The following CACNA1C variants were observed in gnomAD, a reference collection of about 807,000 sequenced individuals.
CACNA1C encodes the protein voltage-dependent L-type calcium channel subunit alpha-1C.
Under a neutral mutation model 229.0 loss-of-function variants are expected in CACNA1C, and 30 were observed. The observed-to-expected ratio is 0.13, with a 90% confidence interval of 0.10 to 0.18. The LOEUF is 0.18. Ranked by LOEUF, CACNA1C falls within the 10% of genes least tolerant of loss-of-function variation. The probability of loss-of-function intolerance (pLI) is 1.00; values close to 1 mark genes in which losing one functional copy is unlikely to be tolerated. For synonymous variants in CACNA1C, 1,114 were observed against 1,132.5 expected (o/e 0.98, Z 0.33); for missense variants, 1,658 against 2,845.0 (o/e 0.58, Z 9.49).
rs986911802 is a variant in CACNA1C, at chr12:2,034,958, T to G, written c.139+63757T>G. Among the ~76,000 whole-genome samples the G allele has an allele frequency of 4.6e-4, 69 of 151,156 alleles. 1 individual carries two copies. Among genetic ancestry groups the G allele is most frequent in the Non-Finnish European group, 2.1e-4 (14 of 67,728 alleles). On this transcript the variant is annotated intron_variant, in intron 1 of 46. Coordinates refer to the CACNA1C transcript ENST00000682462. The surrounding 1 kb of genome is among the most constrained non-coding windows in gnomAD (Gnocchi z 4.1). ...CTTAGGAGCTGGCGAGGCGAGGGGG[T>G]GAAGAGGAGAAGGAGGTCTGGGCAC...
intron 29 of CACNA1C, among the ~76,000 whole-genome samples, chr12:2,626,368 C>T (rs1329763856): frequency 2.0e-5 from 3 of 152,286 alleles, no homozygotes; most frequent in Non-Finnish European, 1.5e-5. Context: ...CTCTCCATGG[C>T]CTTGGTCCTG....
At position 2,095,898 on chromosome 12, in the gene CACNA1C, A is replaced by G. The variant is rs1353436755; in HGVS notation, c.50-19326A>G. Among the ~76,000 whole-genome samples the G allele has an allele frequency of 4.6e-5, 7 of 152,324 alleles. No individual in the cohort carries two copies. In the East Asian group the frequency reaches 1.3e-3, roughly 29 times the overall value. ...CTCTGCCTTGGTTTCATCATTCACC[A>G]TCATTGGGAATAATGTCTTTTGTCT... On this transcript the variant is annotated intron_variant, in intron 1 of 46. Transcript: ENST00000399655.
intron 1 of CACNA1C, among the ~76,000 whole-genome samples, chr12:2,061,984 A>G (rs1215359515): frequency 6.6e-6 from 1 of 152,248 alleles, no homozygotes; most frequent in Non-Finnish European, 1.5e-5. Flanking sequence ...GAGCTTTAAC[A>G]TTATAGTCTA....
chr12:2,549,890 C>T (rs2099894218), intron 9 of CACNA1C, 53 bp from the exon 10 acceptor site: 2 of 1,319,042 alleles, frequency 1.5e-6, no homozygotes, highest in Admixed American at 3.9e-5. Flanking sequence ...CTCTTCTGTT[C>T]CCTTGTCTCC....
intron 3 of CACNA1C, among the ~76,000 whole-genome samples, chr12:2,389,253 C>T (rs149461148): frequency 1.1e-3 from 164 of 152,036 alleles, no homozygotes; most frequent in African/African-American, 3.6e-3. Flanking sequence ...CTTTGGATTC[C>T]GAGATGTGTT....
chr12:2,004,862 T>C (rs1156411227), intron 1 of CACNA1C: 2 of 164,650 alleles, frequency 1.2e-5, no homozygotes, highest in Admixed American at 6.2e-5. Flanking sequence ...GAGAACTGAA[T>C]TGATTTCTGA....
chr12:2,135,556 G>T (rs11611901), intron 3 of CACNA1C, among the ~76,000 whole-genome samples: 1 of 126,478 alleles, frequency 7.9e-6, no homozygotes, highest in Non-Finnish European at 1.6e-5. Context: ...GTCTGTTGGA[G>T]TACCCTGCTG....
rs772160059 is a variant in CACNA1C at position 2,034,876 on chromosome 12, G to T, written c.139+63675G>T. Reference sequence around the variant, plus strand: ...TCATTCTGTGTGTAAATATAATTAGGAAAGTACAGGATGCTATGGGACACC... The same window carrying T: ...TCATTCTGTGTGTAAATATAATTAGTAAAGTACAGGATGCTATGGGACACC... On this transcript the variant is annotated intron_variant, in intron 1 of 46. Transcript: ENST00000682462. The surrounding 1 kb of genome is among the most constrained non-coding windows in gnomAD (Gnocchi z 4.1). Among the ~76,000 whole-genome samples the T allele has an allele frequency of 1.2e-4, 19 of 152,200 alleles. No homozygotes were observed. The highest frequency in any genetic ancestry group is 2.6e-4 in the Non-Finnish European group (18 of 68,030).
chr12:2,537,897 G>A (rs2239115), intron 9 of CACNA1C, among the ~76,000 whole-genome samples: 12,739 of 152,108 alleles, frequency 0.084, 651 homozygotes, highest in Middle Eastern at 0.13. Flanking sequence ...AGGTGGGGTG[G>A]GGGTGGGAGA....
At chr12:2,081,481 G>A (rs2065595621) in intron 1 of CACNA1C, among the ~76,000 whole-genome samples, 1 of 151,940 alleles carries the variant, frequency 6.6e-6, no homozygotes, top group Admixed American at 6.6e-5. Context: ...TGAGGCAGGA[G>A]AATGGCGTGA....
chr12:2,447,280 C>G (rs1178274650), intron 3 of CACNA1C, among the ~76,000 whole-genome samples: 1 of 152,110 alleles, frequency 6.6e-6, no homozygotes, highest in Admixed American at 6.5e-5. Flanking sequence ...GTTCACAACC[C>G]CAAGGCAGCT....
intron 3 of CACNA1C, among the ~76,000 whole-genome samples, chr12:2,283,245 C>G (rs1406267912): frequency 2.0e-5 from 3 of 152,158 alleles, no homozygotes; most frequent in Non-Finnish European, 4.4e-5. Flanking sequence ...GGCTACTTCT[C>G]CTTACTCTTA....
chr12:2,377,532 C>G (rs1442488192), intron 3 of CACNA1C, among the ~76,000 whole-genome samples: 1 of 152,114 alleles, frequency 6.6e-6, no homozygotes, highest in African/African-American at 2.4e-5. Context: ...TATTTGCTGT[C>G]AGCATGGTTC....
chr12:2,301,804 A>G (rs2094580974), intron 3 of CACNA1C, among the ~76,000 whole-genome samples: 1 of 152,110 alleles, frequency 6.6e-6, no homozygotes, highest in Non-Finnish European at 1.5e-5. Flanking sequence ...GGAGATTCCC[A>G]AGTTCCCCAG....
rs771302202 is a variant in CACNA1C at position 1,971,035 on chromosome 12, C to T, written c.-28C>T. ...ATAATTATTTAGCTTTAAAAATCAACCAATTAATATACATCTGGAAATTCA... is the reference window on the plus strand; with the variant it reads ...ATAATTATTTAGCTTTAAAAATCAATCAATTAATATACATCTGGAAATTCA... On this transcript the variant is annotated 5_prime_UTR_variant, in exon 1 of 47. Transcript: ENST00000682462. This position sits in a 1 kb window ranked among gnomAD's most constrained non-coding sequence, Gnocchi z 4.2. 1.6e-6 allele frequency: 2 copies of T among 1,260,148 alleles called. No individual in the cohort carries two copies. Among genetic ancestry groups the T allele is most frequent in the South Asian group, 2.6e-5 (2 of 77,630 alleles). 78.1% of individuals were successfully genotyped at this position (1,260,148 alleles called of 1,614,324 possible).
intron 3 of CACNA1C, among the ~76,000 whole-genome samples, chr12:2,185,149 A>G (rs1218568465): frequency 6.6e-6 from 1 of 152,016 alleles, no homozygotes; most frequent in Non-Finnish European, 1.5e-5. Context: ...TCGGGTTCCT[A>G]TTTCCCTGGC....
At chr12:2,254,297 G>C (rs939701451) in intron 3 of CACNA1C, among the ~76,000 whole-genome samples, 1 of 152,150 alleles carries the variant, frequency 6.6e-6, no homozygotes, top group Non-Finnish European at 1.5e-5. Context: ...CCCAGACTCT[G>C]TCTGTCAGTA....
At chr12:2,590,577 C>T (rs1393394112) in intron 18 of CACNA1C, among the ~76,000 whole-genome samples, 2 of 152,138 alleles carry the variant, frequency 1.3e-5, no homozygotes, top group South Asian at 2.1e-4. Flanking sequence ...CTTCAGAAAT[C>T]GTTTCCTCTT....
chr12:2,658,426 C>T (rs1022852959), intron 34 of CACNA1C, among the ~76,000 whole-genome samples: 6 of 152,172 alleles, frequency 3.9e-5, no homozygotes, highest in African/African-American at 1.4e-4. Flanking sequence ...CTTCCTATCA[C>T]CCAGTGACGC....
Sources: allele counts gnomAD v4.1 joint callset (sites outside exome capture counted in the v4.1 genomes callset), GRCh38; gene constraint gnomAD v4.1.1; non-coding constraint Gnocchi (gnomAD v3.1); transcripts MANE v1.5; gene names NCBI Gene and HGNC (gene_info 2026-07-23, HGNC 2026-07-21).